N4BP2: variants seen among roughly 807,000 people sequenced by gnomAD.
N4BP2 encodes NEDD4 binding protein 2.
N4BP2 carries 91 observed loss-of-function variants against 152.8 expected under a neutral mutation model. The ratio of observed to expected loss-of-function variants is 0.60; its 90% CI spans 0.50 to 0.71. The LOEUF (loss-of-function observed/expected upper bound fraction) is 0.71. N4BP2 is among the 30% of genes least tolerant of loss of function. The pLI is 0.00. For synonymous variants in N4BP2, 646 were observed against 705.3 expected (o/e 0.92, Z 1.33); for missense variants, 1,923 against 2,059.1 (o/e 0.93, Z 1.28).
chr4:40,088,946 GT>G (rs535281235), intron 2 of N4BP2, among the ~76,000 whole-genome samples: 1 of 150,930 alleles, frequency 6.6e-6, no homozygotes, highest in East Asian at 1.9e-4. Context: ...TTTATTTTTT[GT>G]TTTTTTTGTG....
At chr4:40,135,647 C>G (rs186981914) in intron 13 of N4BP2, among the ~76,000 whole-genome samples, 220 of 152,330 alleles carry the variant, frequency 1.4e-3, no homozygotes, top group African/African-American at 4.4e-3. Flanking sequence ...ACTGCAACCT[C>G]TGCCTCCTGA....
At position 40,079,474 on chromosome 4, in the gene N4BP2, A is replaced by AT. The variant is rs929672967; in HGVS notation, c.-115+5933dup. On this transcript the variant is annotated intron_variant, in intron 2 of 17. Coordinates refer to ENST00000261435, the MANE Select transcript of N4BP2 (RefSeq NM_018177.6). ...TTGGTATATCTACTTTAATGGCAGT[A>AT]TTTTTTTTTTCAGTGTAGGAAAACC... Among the ~76,000 whole-genome samples the AT allele has an allele frequency of 5.8e-4, 73 of 125,866 alleles. 1 individual carries two copies. The highest frequency in any genetic ancestry group is 7.1e-4 in the East Asian group (3 of 4,238). The allele number at this position is 125,866 out of a possible 152,430, so 82.6% of individuals were successfully genotyped here. A position where few individuals can be genotyped will look rare whatever the true frequency, so the allele number is the denominator to read the frequency against.
chr4:40,184,478 T>A, the N4BP2 span, among the ~76,000 whole-genome samples: 1 of 152,088 alleles, frequency 6.6e-6, no homozygotes, highest in African/African-American at 2.4e-5. Context: ...AAAAATAGAT[T>A]GTAATGTTTA....
intron 5 of N4BP2, among the ~76,000 whole-genome samples, chr4:40,107,914 T>C (rs1445941285): frequency 7.4e-6 from 1 of 135,458 alleles, no homozygotes; most frequent in Non-Finnish European, 1.6e-5. Context: ...ATTGCAGTTG[T>C]TTCCTATGTA....
At chr4:40,077,523 G>C (rs981788828) in intron 2 of N4BP2, among the ~76,000 whole-genome samples, 10 of 147,948 alleles carry the variant, frequency 6.8e-5, no homozygotes, top group Non-Finnish European at 1.5e-4. Flanking sequence ...GCGCGATCTT[G>C]GCTCACTGCA....
chr4:40,106,853 A>G (rs779253277), intron 4 of N4BP2, 47 bp from the exon 5 acceptor site: 1 of 1,548,592 alleles, frequency 6.5e-7, no homozygotes, highest in East Asian at 2.3e-5. Flanking sequence ...TAGGAGAGAA[A>G]ATTTAGAAGA....
chr4:40,075,510 G>A (rs2109905616), intron 2 of N4BP2, among the ~76,000 whole-genome samples: 1 of 152,056 alleles, frequency 6.6e-6, no homozygotes, highest in East Asian at 2.0e-4. Context: ...TGATTCTTCT[G>A]CCTCAGCCTC....
intron 13 of N4BP2, among the ~76,000 whole-genome samples, chr4:40,132,364 A>C (rs951088136): frequency 6.6e-6 from 1 of 152,016 alleles, no homozygotes; most frequent in South Asian, 2.1e-4. Flanking sequence ...GTTATGTCCT[A>C]ATATTATAAA....
intron 11 of N4BP2, among the ~76,000 whole-genome samples, chr4:40,124,927 C>A (rs942208866): frequency 6.6e-6 from 1 of 152,188 alleles, no homozygotes; most frequent in Non-Finnish European, 1.5e-5. Context: ...AAAACCCAGC[C>A]TGCTTTTTGG....
At chr4:40,172,511 T>C in the N4BP2 span, among the ~76,000 whole-genome samples, 1 of 152,076 alleles carries the variant, frequency 6.6e-6, no homozygotes, top group Admixed American at 6.6e-5. Flanking sequence ...AAGGAGGAAT[T>C]TGGACACAGA....
In N4BP2 at chr4:40,154,159, A is replaced by T. The variant is rs777752823; in HGVS notation, c.5268-33A>T. 2.6e-6 allele frequency: 4 copies of T among 1,532,178 alleles called. No homozygotes were observed. In the South Asian group the frequency reaches 4.6e-5, roughly 18 times the overall value. The allele number at this position is 1,532,178 out of a possible 1,614,324, so 94.9% of individuals were successfully genotyped here. A position where few individuals can be genotyped will look rare whatever the true frequency, so the allele number is the denominator to read the frequency against. On this transcript the variant is annotated intron_variant, in intron 17 of 17. Transcript: ENST00000261435. Reference sequence around the variant, plus strand: ...ATTCCTTAGCTAATTTGAAATTTTCATCTTTAAAATAACTCTTTTCTCATT... The same window carrying T: ...ATTCCTTAGCTAATTTGAAATTTTCTTCTTTAAAATAACTCTTTTCTCATT...
chr4:40,078,024 A>G (rs142939671), intron 2 of N4BP2: 1 of 152,216 alleles, frequency 6.6e-6, no homozygotes, highest in East Asian at 1.9e-4. Context: ...TATAGCTGAT[A>G]AGGTTCTTTT....
the N4BP2 span, among the ~76,000 whole-genome samples, chr4:40,164,539 G>C: frequency 6.6e-6 from 1 of 152,106 alleles, no homozygotes; most frequent in African/African-American, 2.4e-5. Context: ...CTTTATTTGC[G>C]TGGTCTCCAT....
intron 9 of N4BP2, 98 bp from the exon 10 acceptor site, chr4:40,123,029 C>T: frequency 7.5e-6 from 5 of 665,330 alleles, no homozygotes; most frequent in Non-Finnish European, 1.3e-5. Context: ...ATTAATAGTA[C>T]AAGTTAGTTT....
intron 12 of N4BP2, among the ~76,000 whole-genome samples, chr4:40,127,614 T>A (rs1306628726): frequency 6.6e-6 from 1 of 151,958 alleles, no homozygotes; most frequent in Non-Finnish European, 1.5e-5. Flanking sequence ...ATATTAGTAA[T>A]AAGAAATGTC....
chr4:40,100,222 A>G (rs1425847397), intron 3 of N4BP2: 1 of 374,296 alleles, frequency 2.7e-6, no homozygotes. Context: ...TAGAGATTTA[A>G]ATGTTGGTGT....
chr4:40,087,011 A>G (rs926039456), intron 2 of N4BP2, among the ~76,000 whole-genome samples: 8 of 152,256 alleles, frequency 5.3e-5, no homozygotes, highest in Admixed American at 5.2e-4. Flanking sequence ...AGCCTCCTAA[A>G]GTGCTGGCAT....
intron 2 of N4BP2, among the ~76,000 whole-genome samples, chr4:40,096,837 G>A (rs1715150519): frequency 6.6e-6 from 1 of 152,172 alleles, no homozygotes; most frequent in African/African-American, 2.4e-5. Context: ...TAGTTGCACT[G>A]AGATGGGAAA....
chr4:40,074,218 G>A (rs1396311221), intron 2 of N4BP2, among the ~76,000 whole-genome samples: 2 of 92,566 alleles, frequency 2.2e-5, no homozygotes, highest in Non-Finnish European at 2.7e-5. Flanking sequence ...AGCCTCCCAA[G>A]TAGCTGGGAT....
Sources: gnomAD v4.1 joint callset for allele counts (sites outside exome capture counted in the v4.1 genomes callset) on GRCh38, gnomAD v4.1.1 for gene constraint, MANE v1.5 for transcripts, NCBI Gene and HGNC (gene_info 2026-07-23, HGNC 2026-07-21) for gene names.